The following NRCAM variants were observed in gnomAD, a reference collection of about 807,000 sequenced individuals.
The protein encoded by NRCAM is NgCAM-related cell adhesion molecule.
In NRCAM, 83 loss-of-function variants were observed where a neutral mutation model predicts 156.5. The ratio of observed to expected loss-of-function variants is 0.53; its 90% CI spans 0.44 to 0.64. NRCAM has a LOEUF of 0.64. NRCAM is among the 30% of genes least tolerant of loss of function. The pLI, the probability that NRCAM is intolerant of heterozygous loss-of-function variation, is 0.00. For missense variants in NRCAM, 1,417 were observed against 1,597.3 expected (o/e 0.89, Z 1.92); for synonymous variants, 538 against 563.9 (o/e 0.95, Z 0.65).
At chr7:108,414,556 T>C (rs1284958925) in intron 1 of NRCAM, among the ~76,000 whole-genome samples, 1 of 152,110 alleles carries the variant, frequency 6.6e-6, no homozygotes, top group African/African-American at 2.4e-5. Context: ...ACAATCTAAC[T>C]GGGGAGGCCA....
chr7:108,369,064 A>G (rs2099612403), intron 2 of NRCAM, among the ~76,000 whole-genome samples: 1 of 152,132 alleles, frequency 6.6e-6, no homozygotes, highest in African/African-American at 2.4e-5. Context: ...TCTTTGTAAA[A>G]CCAATTTGAA....
chr7:108,372,656 AC>A (rs761685337), intron 2 of NRCAM, among the ~76,000 whole-genome samples: 8 of 152,162 alleles, frequency 5.3e-5, no homozygotes, highest in Non-Finnish European at 8.8e-5. Flanking sequence ...ATGAAATATC[AC>A]CTCATACTTG....
intron 3 of NRCAM, among the ~76,000 whole-genome samples, chr7:108,306,794 G>A (rs1413628254): frequency 6.6e-6 from 1 of 152,178 alleles, no homozygotes; most frequent in East Asian, 1.9e-4. Context: ...GGCCTGAAAG[G>A]AGTGGGTTTC....
chr7:108,330,453 T>A (rs1165354670), intron 2 of NRCAM, among the ~76,000 whole-genome samples: 1 of 152,136 alleles, frequency 6.6e-6, no homozygotes, highest in Non-Finnish European at 1.5e-5. Flanking sequence ...TCACTACAGC[T>A]CCAGACCCAT....
chr7:108,248,878 GC>G (rs940539081), intron 3 of NRCAM, among the ~76,000 whole-genome samples: 11 of 152,118 alleles, frequency 7.2e-5, no homozygotes, highest in African/African-American at 2.7e-4. Flanking sequence ...AATCTGAAGT[GC>G]TTTTTCTGGA....
chr7:108,254,734 A>G (rs2096546397), intron 3 of NRCAM, among the ~76,000 whole-genome samples: 2 of 152,028 alleles, frequency 1.3e-5, no homozygotes, highest in Admixed American at 1.3e-4. Context: ...TATTACTTGT[A>G]GAGACCAGGT....
Position 108,416,110 on chromosome 7 carries a change from C to T in NRCAM, c.-331-16517G>A, listed in dbSNP as rs192041984. 5.9e-5 allele frequency among the ~76,000 whole-genome samples: 9 copies of T among 152,300 alleles called. No homozygotes were observed. The East Asian group carries it at 7.7e-4, about 13-fold the overall frequency. On this transcript the variant is annotated intron_variant, in intron 1 of 32. Coordinates refer to ENST00000379028, the MANE Select transcript of NRCAM (RefSeq NM_001037132.4). ...GAAGAGTGATTCTTCCATGACAGAACGGGCCAGCTGCTGATGTGAGCCCAT... is the reference window on the plus strand; with the variant it reads ...GAAGAGTGATTCTTCCATGACAGAATGGGCCAGCTGCTGATGTGAGCCCAT...
intron 1 of NRCAM, among the ~76,000 whole-genome samples, chr7:108,416,412 G>A (rs1226354955): frequency 1.3e-5 from 2 of 152,140 alleles, no homozygotes; most frequent in African/African-American, 4.8e-5. Flanking sequence ...TAAACCACAG[G>A]CGTGTGGCAA....
intron 8 of NRCAM, among the ~76,000 whole-genome samples, chr7:108,227,678 C>G (rs180772071): frequency 3.7e-4 from 57 of 152,216 alleles, no homozygotes; most frequent in African/African-American, 1.3e-3. Flanking sequence ...GTCCACAGAG[C>G]CTTAACTGTG....
intron 1 of NRCAM, among the ~76,000 whole-genome samples, chr7:108,439,832 CAAAAAAAAAAA>C (rs34432715): frequency 1.4e-5 from 1 of 70,448 alleles, no homozygotes; most frequent in Non-Finnish European, 2.6e-5. Context: ...GACTCCGTCA[CAAAAAAAAAAA>C]AAAAAAAAAA....
chr7:108,246,860 C>T (rs1259368569), intron 3 of NRCAM, among the ~76,000 whole-genome samples: 1 of 152,196 alleles, frequency 6.6e-6, no homozygotes. Flanking sequence ...AGTATCCATG[C>T]CCTTGCATAG....
chr7:108,419,319 T>C (rs1440591554), intron 1 of NRCAM, among the ~76,000 whole-genome samples: 1 of 152,196 alleles, frequency 6.6e-6, no homozygotes, highest in African/African-American at 2.4e-5. Context: ...TTCATAATTT[T>C]CTCCTATACA....
intron 20 of NRCAM, among the ~76,000 whole-genome samples, chr7:108,185,318 T>C (rs890928224): frequency 3.3e-5 from 5 of 152,158 alleles, no homozygotes; most frequent in African/African-American, 1.2e-4. Flanking sequence ...TGAGAAATAA[T>C]TTACATTGTA....
intron 3 of NRCAM, among the ~76,000 whole-genome samples, chr7:108,276,459 G>A (rs543146381): frequency 6.6e-6 from 1 of 152,174 alleles, no homozygotes; most frequent in Non-Finnish European, 1.5e-5. Flanking sequence ...AACTCTTCTT[G>A]TTGCATTGAT....
rs2071262365 is a variant in NRCAM, at chr7:108,191,236, A to G, written c.1933+18T>C. On this transcript the variant is annotated intron_variant, in intron 19 of 32. Transcript: ENST00000379028. The stretch of plus-strand genomic sequence containing the variant: ...TTGTTTGACAGAAAACAGAGAAAGA[A>G]GACTCATATTAGTTTACCGTAAACG... 3 of 1,593,992 alleles carry G rather than the reference A, an allele frequency of 1.9e-6. No individual in the cohort carries two copies. Among genetic ancestry groups the G allele is most frequent in the African/African-American group, 1.3e-5 (1 of 74,504 alleles).
chr7:108,263,828 A>G (rs2096976047), intron 3 of NRCAM, among the ~76,000 whole-genome samples: 1 of 152,242 alleles, frequency 6.6e-6, no homozygotes, highest in Non-Finnish European at 1.5e-5. Context: ...CAGTCCAGCA[A>G]TCTGAAGAGT....
intron 30 of NRCAM, among the ~76,000 whole-genome samples, chr7:108,161,142 A>G (rs2048691935): frequency 6.6e-6 from 1 of 152,182 alleles, no homozygotes; most frequent in South Asian, 2.1e-4. Flanking sequence ...ATTTCTGAAA[A>G]ACCAAATCCA....
intron 2 of NRCAM, among the ~76,000 whole-genome samples, chr7:108,399,120 A>C (rs2099784833): frequency 6.6e-6 from 1 of 151,978 alleles, no homozygotes; most frequent in Non-Finnish European, 1.5e-5. Flanking sequence ...ATACATAAGA[A>C]ATTTCTCCAA....
chr7:108,153,182 G>T (rs1328270856), intron 32 of NRCAM, among the ~76,000 whole-genome samples: 1 of 152,024 alleles, frequency 6.6e-6, no homozygotes, highest in East Asian at 1.9e-4. Context: ...CATGAACATA[G>T]ATGAAAAAAC....
Sources: gnomAD v4.1 joint callset for allele counts (sites outside exome capture counted in the v4.1 genomes callset) on GRCh38, gnomAD v4.1.1 for gene constraint, MANE v1.5 for transcripts, NCBI Gene and HGNC (gene_info 2026-07-23, HGNC 2026-07-21) for gene names.